The following PRDM11 variants were observed in gnomAD, a reference collection of about 807,000 sequenced individuals.
PRDM11 encodes the protein PR/SET domain 11.
PRDM11 carries 20 observed loss-of-function variants against 97.8 expected under a neutral mutation model. The observed-to-expected ratio is 0.20, with a 90% CI of 0.14 to 0.30. The LOEUF (loss-of-function observed/expected upper bound fraction) is 0.30, where lower values mean the gene tolerates loss of function less well. PRDM11 is among the 10% of genes least tolerant of loss of function. The pLI, the probability that PRDM11 is intolerant of heterozygous loss-of-function variation, is 1.00. For synonymous variants in PRDM11, 599 were observed against 637.7 expected, an observed-to-expected ratio of 0.94 and a Z score of 0.91; for missense variants, 1,139 against 1,555.2, an observed-to-expected ratio of 0.73 and a Z score of 4.50.
At chr11:45,096,406 G>T (rs976720352) in intron 1 of PRDM11, among the ~76,000 whole-genome samples, 1 of 152,164 alleles carries the variant, frequency 6.6e-6, no homozygotes, top group Non-Finnish European at 1.5e-5. Context: ...GGTACAAATT[G>T]TTACTCTCAT....
chr11:45,180,503 C>CACCGCCTGACCCGGAGCG (rs1284393502), intron 1 of PRDM11, among the ~76,000 whole-genome samples: 1 of 151,880 alleles, frequency 6.6e-6, no homozygotes, highest in Admixed American at 6.6e-5. Flanking sequence ...GGAATGCGTC[C>CACCGCCTGACCCGGAGCG]ACCGCCTGAC....
intron 1 of PRDM11, among the ~76,000 whole-genome samples, chr11:45,117,695 C>T (rs1415987833): frequency 1.3e-5 from 2 of 152,058 alleles, no homozygotes; most frequent in African/African-American, 4.8e-5. Flanking sequence ...TTCAGTGATT[C>T]ATGATCACAG....
Position 45,232,603 on chromosome 11 carries a change from C to T in PRDM11, c.*4444C>T. On this transcript the variant is annotated 3_prime_UTR_variant, in exon 8 of 8. Transcript: ENST00000683152. ...GGGGTTTTCAGAGGGCAGTGGTGTG[C>T]CCATTCCAGACACCAGTCTTCTGGG... 6.6e-6 allele frequency: 1 copy of T among 152,408 alleles called. No individual in the cohort carries two copies. The highest frequency in any genetic ancestry group is 1.5e-5 in the Non-Finnish European group (1 of 68,168). 9.4% of individuals were successfully genotyped at this position (152,408 alleles called of 1,614,324 possible).
At position 45,231,204 on chromosome 11, in the gene PRDM11, C is replaced by T. The variant is rs2135867809; in HGVS notation, c.*3045C>T. ...TACACCACTGCAATTTACACGGGGT[C>T]TCTTCTCAGCTTGGATGCTCCCTGG... On this transcript the variant is annotated 3_prime_UTR_variant, in exon 8 of 8. Transcript: ENST00000683152. The T allele has an allele frequency of 6.6e-6, 1 of 152,304 alleles. No individual in the cohort carries two copies. Among genetic ancestry groups the T allele is most frequent in the Non-Finnish European group, 1.5e-5 (1 of 68,056 alleles). 9.4% of individuals were successfully genotyped at this position (152,304 alleles called of 1,614,324 possible). A position where few individuals can be genotyped will look rare whatever the true frequency, so the allele number is the denominator to read the frequency against.
intron 1 of PRDM11, among the ~76,000 whole-genome samples, chr11:45,169,209 A>G (rs867980902): frequency 1.3e-5 from 2 of 152,370 alleles, no homozygotes; most frequent in African/African-American, 4.8e-5. Flanking sequence ...AAACTTCCAC[A>G]TACCTATCAC....
Position 45,224,763 on chromosome 11 carries a change from T to G in PRDM11, c.1289T>G (p.Met430Arg). ...KVRELQAELD[M>R]LKSGKLPEPP... ...CGGGAGCTCCAGGCAGAATTAGACA[T>G]GCTTAAGTCTGGGAAACTTCCTGAG... is the stretch of plus-strand genomic sequence containing the variant. The change falls in exon 7 of 8, where the codon ATG (methionine) becomes AGG (arginine). Residue 430 changes from methionine (M) to arginine (R), a missense_variant. Physicochemically the swap from Met to Arg is moderately conservative, Grantham distance 91. Around this residue, in one of 2 missense-constraint regions of PRDM11, gnomAD observed 710 missense variants for 1,044.9 expected, o/e 0.68. Coordinates refer to ENST00000683152, the MANE Select transcript of PRDM11 (RefSeq NM_001384648.1). 1.2e-6 allele frequency: 2 copies of G among 1,614,206 alleles called. No individual in the cohort carries two copies. Among genetic ancestry groups the G allele is most frequent in the Non-Finnish European group, 1.7e-6 (2 of 1,180,038 alleles).
At chr11:45,154,504 A>G (rs1282990862) in intron 1 of PRDM11, among the ~76,000 whole-genome samples, 1 of 152,230 alleles carries the variant, frequency 6.6e-6, no homozygotes, top group East Asian at 1.9e-4. Flanking sequence ...GGGTACGGGA[A>G]GTGGAGTAGG....
chr11:45,136,140 TCTTTGTAATAG>T (rs2135657787), intron 1 of PRDM11, among the ~76,000 whole-genome samples: 1 of 152,358 alleles, frequency 6.6e-6, no homozygotes, highest in Non-Finnish European at 1.5e-5. Flanking sequence ...ATATGAGAAC[TCTTTGTAATAG>T]CTTTGCCATT....
intron 1 of PRDM11, among the ~76,000 whole-genome samples, chr11:45,155,579 GAGAA>G (rs1198229611): frequency 6.1e-4 from 93 of 152,132 alleles, no homozygotes; most frequent in African/African-American, 2.0e-3. Context: ...TGTGTTCCAA[GAGAA>G]AGAAAGACCA....
At chr11:45,211,417 A>C (rs1853729316) in intron 5 of PRDM11, among the ~76,000 whole-genome samples, 2 of 152,114 alleles carry the variant, frequency 1.3e-5, no homozygotes, top group Non-Finnish European at 2.9e-5. Flanking sequence ...ACATCATTTA[A>C]TCCTGCCACA....
chr11:45,160,300 T>G (rs749270236), intron 1 of PRDM11, among the ~76,000 whole-genome samples: 4 of 152,226 alleles, frequency 2.6e-5, no homozygotes, highest in Non-Finnish European at 4.4e-5. Context: ...TACATTTCAA[T>G]TATATAAGGA....
At position 45,229,985 on chromosome 11, in the gene PRDM11, C is replaced by G. The variant is rs1353071183; in HGVS notation, c.*1826C>G. 6.6e-6 allele frequency: 1 copy of G among 152,104 alleles called. No individual in the cohort carries two copies. Among genetic ancestry groups the G allele is most frequent in the Non-Finnish European group, 1.5e-5 (1 of 68,038 alleles). 9.4% of individuals were successfully genotyped at this position (152,104 alleles called of 1,614,324 possible). ...AACCATAGTGGAAATGTCATCAACA[C>G]TGAACATGTTATAGCCCTTTCTTGG... On this transcript the variant is annotated 3_prime_UTR_variant, in exon 8 of 8. Transcript: ENST00000683152.
Position 45,227,202 on chromosome 11 carries a change from A to G in PRDM11, c.2577A>G (p.Ala859=), listed in dbSNP as rs1854296830. 2 of 1,533,852 alleles carry G rather than the reference A, an allele frequency of 1.3e-6. No homozygotes were observed. The highest frequency in any genetic ancestry group is 1.2e-5 in the South Asian group (1 of 83,972). ...LKEVSSQTQR[A]DASAIALALL... is the part of the protein sequence containing the mutation. Reference sequence around the variant, plus strand: ...AGGTCAGCAGCCAGACCCAGCGGGCAGACGCCTCGGCCATCGCACTGGCCC... The same window carrying G: ...AGGTCAGCAGCCAGACCCAGCGGGCGGACGCCTCGGCCATCGCACTGGCCC... Residue 859 remains alanine (A), a synonymous_variant, in exon 8 of 8, where the codon GCA becomes GCG. Coordinates refer to ENST00000683152, the MANE Select transcript of PRDM11 (RefSeq NM_001384648.1). The surrounding 1 kb of genome is among the most constrained non-coding windows in gnomAD (Gnocchi z 8.0).
chr11:45,194,050 T>A (rs566161435), intron 4 of PRDM11, among the ~76,000 whole-genome samples: 30 of 152,222 alleles, frequency 2.0e-4, no homozygotes, highest in Non-Finnish European at 4.0e-4. Flanking sequence ...CAGTTGAACG[T>A]AAGGTCAAGG....
rs1472343172 is a variant in PRDM11 at position 45,179,477 on chromosome 11, C to CA, written c.-6-2280dup. 7.9e-5 allele frequency among the ~76,000 whole-genome samples: 12 copies of CA among 152,320 alleles called. No homozygotes were observed. In the South Asian group the frequency reaches 2.5e-3, roughly 32 times the overall value. On this transcript the variant is annotated intron_variant, in intron 1 of 7. Transcript: ENST00000683152. ...TATTAGTCATCTCAGGCTGCCATGA[C>CA]AAAATACCGTAGATGGGGGTGCTTA...
At chr11:45,107,962 T>C (rs1852092352) in intron 1 of PRDM11, among the ~76,000 whole-genome samples, 1 of 151,990 alleles carries the variant, frequency 6.6e-6, no homozygotes, top group African/African-American at 2.4e-5. Context: ...CCCAAGTAGC[T>C]GGGACTACAG....
intron 1 of PRDM11, among the ~76,000 whole-genome samples, chr11:45,163,870 T>C (rs896239095): frequency 1.3e-5 from 2 of 152,144 alleles, no homozygotes; most frequent in African/African-American, 4.8e-5. Flanking sequence ...GATTCTGGTG[T>C]TGGATGGTCC....
rs78442442 is a variant in PRDM11 at position 45,175,586 on chromosome 11, C to G, written c.-6-6175C>G. 7.0e-3 allele frequency among the ~76,000 whole-genome samples: 1,062 copies of G among 152,288 alleles called. 11 individuals are homozygous for G. The highest frequency in any genetic ancestry group is 0.024 in the African/African-American group (1,013 of 41,558). On this transcript the variant is annotated intron_variant, in intron 1 of 7. Transcript: ENST00000683152. ...CCATTTTGGAGGTTTAAATTCTTTC[C>G]TATTTTTTGCTTTTAAAAATAATAT...
At position 45,220,041 on chromosome 11, in the gene PRDM11, A is replaced by G. The variant is rs114671999; in HGVS notation, c.742+284A>G. ...AAAACCGAGCAAATATGTTTAATCA[A>G]AATGTACCCTATTTCCCCAACTCCA... On this transcript the variant is annotated intron_variant, in intron 6 of 7. Coordinates refer to ENST00000683152, the MANE Select transcript of PRDM11 (RefSeq NM_001384648.1). Among the ~76,000 whole-genome samples the G allele has an allele frequency of 6.1e-3, 924 of 152,304 alleles. 8 individuals are homozygous for G. Among genetic ancestry groups the G allele is most frequent in the African/African-American group, 0.021 (893 of 41,558 alleles).
Sources: gnomAD v4.1 joint callset for allele counts (sites outside exome capture counted in the v4.1 genomes callset) on GRCh38, gnomAD v4.1.1 for gene constraint, gnomAD v4.1.1 regional missense constraint, Gnocchi (gnomAD v3.1) non-coding constraint, MANE v1.5 for transcripts, NCBI Gene and HGNC (gene_info 2026-07-23, HGNC 2026-07-21) for gene names.